Variants in ZNF423 observed in about 807,000 individuals in gnomAD.
ZNF423 encodes the protein zinc finger protein 423.
In ZNF423, 12 loss-of-function variants were observed where a neutral mutation model predicts 95.8. That is an observed-to-expected ratio of 0.13 (90% confidence interval 0.08 to 0.20). ZNF423 has a LOEUF of 0.20. Among genes scored for constraint, ZNF423 ranks in the 10% least tolerant of loss-of-function variants. ZNF423 has a pLI of 1.00. For missense variants in ZNF423, 1,316 were observed against 1,737.1 expected (o/e 0.76, Z 4.31); for synonymous variants, 749 against 711.9 (o/e 1.05, Z -0.83).
At chr16:49,830,423 C>T (rs2035049461) in intron 1 of ZNF423, among the ~76,000 whole-genome samples, 2 of 152,128 alleles carry the variant, frequency 1.3e-5, no homozygotes, top group African/African-American at 4.8e-5. Flanking sequence ...CAGCCTTTCC[C>T]CCTCCTTCTT....
chr16:49,695,707 G>T (rs573523548), intron 3 of ZNF423, among the ~76,000 whole-genome samples: 1 of 152,242 alleles, frequency 6.6e-6, no homozygotes, highest in Non-Finnish European at 1.5e-5. Context: ...GATTACAGGC[G>T]TGAGCCACCG....
chr16:49,603,403 C>T lies in ZNF423; in HGVS notation c.3601+22767G>A, dbSNP rs1971437931. ...AGCATATGGTTTTATACCCTACTGT[C>T]ACTGTCTAGATTTTTTTTTTCTTCA... On this transcript the variant is annotated intron_variant, in intron 5 of 7. Coordinates refer to ENST00000563137, the MANE Select transcript of ZNF423 (RefSeq NM_001379286.1). The surrounding 1 kb of genome is among the most constrained non-coding windows in gnomAD (Gnocchi z 4.1). Among the ~76,000 whole-genome samples, 1 of 152,000 alleles carries T rather than the reference C, an allele frequency of 6.6e-6. No homozygotes were observed. Among genetic ancestry groups the T allele is most frequent in the Non-Finnish European group, 1.5e-5 (1 of 68,020 alleles).
chr16:49,741,254 G>A (rs868774713), intron 2 of ZNF423, among the ~76,000 whole-genome samples: 1 of 151,918 alleles, frequency 6.6e-6, no homozygotes. Context: ...CAGCACTTTG[G>A]GGGGCCAAGG....
chr16:49,633,509 A>G (rs891534314), intron 4 of ZNF423, among the ~76,000 whole-genome samples: 4 of 152,098 alleles, frequency 2.6e-5, no homozygotes, highest in Admixed American at 6.5e-5. Context: ...CTCTATTACT[A>G]TTCCATTACT....
intron 3 of ZNF423, among the ~76,000 whole-genome samples, chr16:49,660,906 C>A (rs1479505337): frequency 6.6e-6 from 1 of 152,058 alleles, no homozygotes; most frequent in Non-Finnish European, 1.5e-5. Context: ...AGATAATAAG[C>A]TCAGATTCCA....
At chr16:49,854,898 G>A (rs1375952025) in intron 1 of ZNF423, 2 of 985,138 alleles carry the variant, frequency 2.0e-6, no homozygotes, top group East Asian at 1.1e-4. Context: ...ACAGAAAGCC[G>A]GCCTGGGTGT....
intron 3 of ZNF423, among the ~76,000 whole-genome samples, chr16:49,666,625 T>C (rs539214892): frequency 1.3e-5 from 2 of 152,322 alleles, no homozygotes; most frequent in South Asian, 2.1e-4. Context: ...CCCAGAGTTA[T>C]ATACACCACA....
At chr16:49,587,471 G>A (rs1052180346) in intron 5 of ZNF423, among the ~76,000 whole-genome samples, 32 of 152,152 alleles carry the variant, frequency 2.1e-4, no homozygotes, top group African/African-American at 7.2e-4. Flanking sequence ...GGGTTGTGGG[G>A]ACAGGTGGAA....
intron 1 of ZNF423, among the ~76,000 whole-genome samples, chr16:49,812,562 ATGCGCT>A (rs2034770512): frequency 6.6e-6 from 1 of 152,148 alleles, no homozygotes; most frequent in African/African-American, 2.4e-5. Flanking sequence ...GTGTGGTGGC[ATGCGCT>A]ACTCAGGAGG....
At chr16:49,750,404 G>A (rs989464836) in intron 2 of ZNF423, among the ~76,000 whole-genome samples, 2 of 152,296 alleles carry the variant, frequency 1.3e-5, no homozygotes, top group African/African-American at 2.4e-5. Flanking sequence ...TGGGGGAAGT[G>A]GGCTGGGTGT....
chr16:49,827,672 C>T (rs1050564694), intron 1 of ZNF423, among the ~76,000 whole-genome samples: 1 of 152,166 alleles, frequency 6.6e-6, no homozygotes, highest in Non-Finnish European at 1.5e-5. Flanking sequence ...TGTGCCACCA[C>T]GCCAGGCTAA....
At chr16:49,777,683 G>A (rs966933855) in intron 2 of ZNF423, among the ~76,000 whole-genome samples, 1 of 152,140 alleles carries the variant, frequency 6.6e-6, no homozygotes, top group Non-Finnish European at 1.5e-5. Flanking sequence ...ACTACAGAAA[G>A]CGTGCCCTAG....
intron 3 of ZNF423, among the ~76,000 whole-genome samples, chr16:49,726,743 C>T (rs2033024725): frequency 6.6e-6 from 1 of 150,632 alleles, no homozygotes; most frequent in African/African-American, 2.4e-5. Context: ...CAAAAAGCCT[C>T]ATCTACAGAC....
intron 2 of ZNF423, among the ~76,000 whole-genome samples, chr16:49,761,902 C>T (rs2033839182): frequency 1.3e-5 from 2 of 152,322 alleles, no homozygotes; most frequent in African/African-American, 2.4e-5. Context: ...ACTGCAGCCT[C>T]CAACTCCTGG....
chr16:49,556,155 AGAG>A (rs942764169), intron 5 of ZNF423, among the ~76,000 whole-genome samples: 1 of 152,210 alleles, frequency 6.6e-6, no homozygotes, highest in African/African-American at 2.4e-5. Flanking sequence ...TGTGGACAGT[AGAG>A]AATTTAAAGG....
chr16:49,787,893 C>T (rs1238802752), intron 2 of ZNF423, among the ~76,000 whole-genome samples: 1 of 152,186 alleles, frequency 6.6e-6, no homozygotes, highest in Non-Finnish European at 1.5e-5. Context: ...CTCTCTAGAG[C>T]GGGCAGCAAG....
intron 3 of ZNF423, among the ~76,000 whole-genome samples, chr16:49,706,437 C>T (rs1014875631): frequency 4.6e-5 from 7 of 152,222 alleles, no homozygotes; most frequent in African/African-American, 1.7e-4. Context: ...ATTGACCCTC[C>T]AGTCCTGTGC....
intron 5 of ZNF423, among the ~76,000 whole-genome samples, chr16:49,555,252 AC>A (rs1969780568): frequency 6.6e-6 from 1 of 152,174 alleles, no homozygotes; most frequent in African/African-American, 2.4e-5. Flanking sequence ...AGCCCTTGCC[AC>A]AAGGAAGAAG....
intron 5 of ZNF423, among the ~76,000 whole-genome samples, chr16:49,545,390 T>TGACAAGGGCAGCCCC (rs1969403557): frequency 6.6e-6 from 1 of 152,128 alleles, no homozygotes; most frequent in African/African-American, 2.4e-5. Context: ...CGGGCAGGCT[T>TGACAAGGGCAGCCCC]GACAAGGGCA....
Sources: allele counts gnomAD v4.1 joint callset (sites outside exome capture counted in the v4.1 genomes callset), GRCh38; gene constraint gnomAD v4.1.1; non-coding constraint Gnocchi (gnomAD v3.1); transcripts MANE v1.5; gene names NCBI Gene and HGNC (gene_info 2026-07-23, HGNC 2026-07-21).